The following TAFA1 variants were observed in gnomAD, a reference collection of about 807,000 sequenced individuals.
TAFA1 encodes the protein TAFA chemokine like family member 1.
In TAFA1, 4 loss-of-function variants were observed where a neutral mutation model predicts 18.5. The observed-to-expected ratio is 0.22, with a 90% CI of 0.11 to 0.49. The LOEUF is 0.49. TAFA1 is among the 20% of genes least tolerant of loss of function. The pLI is 0.98. For synonymous variants in TAFA1, 56 were observed against 55.2 expected (o/e 1.01, Z -0.06); for missense variants, 147 against 169.0 (o/e 0.87, Z 0.72).
chr3:68,206,406 T>C (rs995614913), intron 2 of TAFA1, among the ~76,000 whole-genome samples: 10 of 151,926 alleles, frequency 6.6e-5, no homozygotes, highest in Non-Finnish European at 4.4e-5. Flanking sequence ...TAAAATACCA[T>C]AAAATATTGT....
At chr3:68,025,357 G>T (rs891624439) in intron 2 of TAFA1, among the ~76,000 whole-genome samples, 1 of 152,068 alleles carries the variant, frequency 6.6e-6, no homozygotes, top group Non-Finnish European at 1.5e-5. Context: ...CTTCCTCTAC[G>T]TGGATTATAG....
At chr3:68,172,743 T>C (rs2066072184) in intron 2 of TAFA1, among the ~76,000 whole-genome samples, 1 of 152,172 alleles carries the variant, frequency 6.6e-6, no homozygotes, top group African/African-American at 2.4e-5. Context: ...GGAAACTTTA[T>C]GTTGAATGAA....
Position 68,466,309 on chromosome 3 carries a change from A to T in TAFA1, c.259+48889A>T, listed in dbSNP as rs1340206764. ...TATCAACAAAAATGAAATGGAGCAG[A>T]ACTCCCAGCTAATCTACAGTGGGCA... On this transcript the variant is annotated intron_variant, in intron 3 of 4. Transcript: ENST00000478136. Among the ~76,000 whole-genome samples the T allele has an allele frequency of 2.7e-4, 41 of 152,166 alleles. 1 individual carries two copies. Among genetic ancestry groups the T allele is most frequent in the Admixed American group, 2.7e-3 (41 of 15,270 alleles).
chr3:68,113,901 T>G (rs1384376678), intron 2 of TAFA1, among the ~76,000 whole-genome samples: 12 of 142,156 alleles, frequency 8.4e-5, no homozygotes, highest in African/African-American at 3.1e-4. Flanking sequence ...TTTTTTGTTT[T>G]TTTTTTTTTT....
intron 2 of TAFA1, among the ~76,000 whole-genome samples, chr3:68,339,368 T>G (rs1273888835): frequency 6.6e-6 from 1 of 152,234 alleles, no homozygotes; most frequent in Admixed American, 6.5e-5. Flanking sequence ...CTTGTATGAT[T>G]AGAGACATGG....
chr3:68,077,245 C>T (rs1210228548), intron 2 of TAFA1, among the ~76,000 whole-genome samples: 21 of 140,286 alleles, frequency 1.5e-4, no homozygotes, highest in South Asian at 2.4e-4. Context: ...AAATTTTCTC[C>T]CATTTTGTAG....
intron 2 of TAFA1, among the ~76,000 whole-genome samples, chr3:68,062,863 G>A (rs2064622021): frequency 6.6e-6 from 1 of 152,142 alleles, no homozygotes; most frequent in South Asian, 2.1e-4. Flanking sequence ...TCCTTTTCTG[G>A]GGAAATAGTG....
intron 2 of TAFA1, among the ~76,000 whole-genome samples, chr3:68,179,319 A>T (rs2066166870): frequency 6.6e-6 from 1 of 152,222 alleles, no homozygotes. Flanking sequence ...TTTAGGCTTT[A>T]CAACCCTACA....
At chr3:68,387,908 CA>C in intron 2 of TAFA1, among the ~76,000 whole-genome samples, 1 of 152,204 alleles carries the variant, frequency 6.6e-6, no homozygotes, top group African/African-American at 2.4e-5. Context: ...TTGTGTTTAA[CA>C]AAAGTATCTA....
intron 2 of TAFA1, among the ~76,000 whole-genome samples, chr3:68,397,131 G>A (rs145083010): frequency 0.013 from 2,002 of 152,100 alleles, 148 homozygotes; most frequent in Admixed American, 0.11. Context: ...AGGATCTTCC[G>A]TTTTCTTTCT....
chr3:68,187,344 A>G (rs1302325112), intron 2 of TAFA1, among the ~76,000 whole-genome samples: 1 of 151,980 alleles, frequency 6.6e-6, no homozygotes, highest in African/African-American at 2.4e-5. Context: ...ACATTGTCAG[A>G]CTTAGATGGC....
intron 2 of TAFA1, among the ~76,000 whole-genome samples, chr3:68,135,174 C>T (rs1286917327): frequency 6.6e-6 from 1 of 152,186 alleles, no homozygotes; most frequent in African/African-American, 2.4e-5. Flanking sequence ...TACTTACATT[C>T]CACTGGCCAC....
intron 3 of TAFA1, among the ~76,000 whole-genome samples, chr3:68,516,406 G>T (rs1430849228): frequency 6.6e-6 from 1 of 152,162 alleles, no homozygotes; most frequent in Non-Finnish European, 1.5e-5. Flanking sequence ...TGTCCTTCAA[G>T]AAATGTTAGC....
At chr3:68,518,816 G>A (rs2072969701) in intron 3 of TAFA1, among the ~76,000 whole-genome samples, 1 of 151,994 alleles carries the variant, frequency 6.6e-6, no homozygotes, top group Admixed American at 6.6e-5. Context: ...ACAACCAGAG[G>A]GAAAAAAATT....
intron 3 of TAFA1, among the ~76,000 whole-genome samples, chr3:68,485,907 T>C (rs2072327127): frequency 6.6e-6 from 1 of 152,062 alleles, no homozygotes; most frequent in Admixed American, 6.6e-5. Flanking sequence ...TGAAGGTCAG[T>C]AAAATGGAGA....
chr3:68,462,677 A>G lies in TAFA1; in HGVS notation c.259+45257A>G, dbSNP rs114245425. Among the ~76,000 whole-genome samples, 690 of 152,310 alleles carry G rather than the reference A, an allele frequency of 4.5e-3. 9 individuals carry two copies. The highest frequency in any genetic ancestry group is 0.016 in the African/African-American group (659 of 41,582). ...TACTACTAGTTTTGTCTTAAGTCAT[A>G]TCATCAGGATAGTTCCTTGTCATAG... On this transcript the variant is annotated intron_variant, in intron 3 of 4. Transcript: ENST00000478136.
chr3:68,445,184 A>C (rs2071454268), intron 3 of TAFA1, among the ~76,000 whole-genome samples: 1 of 152,184 alleles, frequency 6.6e-6, no homozygotes, highest in African/African-American at 2.4e-5. Context: ...TCTTTGCTGC[A>C]GAATTAGCTG....
intron 2 of TAFA1, among the ~76,000 whole-genome samples, chr3:68,276,108 A>G (rs186434898): frequency 5.6e-4 from 86 of 152,224 alleles, no homozygotes; most frequent in African/African-American, 1.8e-3. Context: ...GAAAAAAACA[A>G]TTTAAATGTT....
chr3:68,056,196 G>A (rs999913270), intron 2 of TAFA1, among the ~76,000 whole-genome samples: 5 of 152,084 alleles, frequency 3.3e-5, no homozygotes, highest in Non-Finnish European at 5.9e-5. Flanking sequence ...CATTCCACTC[G>A]TGACTAGCAA....
Sources: gnomAD v4.1 joint callset for allele counts (sites outside exome capture counted in the v4.1 genomes callset) on GRCh38, gnomAD v4.1.1 for gene constraint, MANE v1.5 for transcripts, NCBI Gene and HGNC (gene_info 2026-07-23, HGNC 2026-07-21) for gene names.